The following CHCHD6 variants were observed in gnomAD, a reference collection of about 807,000 sequenced individuals.
CHCHD6 encodes MICOS complex subunit MIC25.
Under a neutral mutation model 32.3 loss-of-function variants are expected in CHCHD6, and 28 were observed. That is an observed-to-expected ratio of 0.87 (90% CI 0.64 to 1.19). CHCHD6 has a LOEUF of 1.19. Among genes scored for constraint, CHCHD6 ranks in the 50% most tolerant of loss-of-function variants. The pLI is 0.00. For missense variants in CHCHD6, 333 were observed against 307.0 expected, an observed-to-expected ratio of 1.08 and a Z score of -0.63; for synonymous variants, 122 against 117.5, an observed-to-expected ratio of 1.04 and a Z score of -0.25.
At chr3:126,823,214 G>T (rs574231596) in intron 4 of CHCHD6, among the ~76,000 whole-genome samples, 62 of 152,192 alleles carry the variant, frequency 4.1e-4, no homozygotes, top group Non-Finnish European at 8.2e-4. Context: ...ATCACACCTA[G>T]CCAATTTTGT....
At chr3:126,752,436 AAGAACAGGCGTGCTGGG>A (rs573502759) in intron 4 of CHCHD6, among the ~76,000 whole-genome samples, 6 of 152,130 alleles carry the variant, frequency 3.9e-5, no homozygotes, top group Non-Finnish European at 7.4e-5. Flanking sequence ...TGTTGGCTGG[AAGAACAGGCGTGCTGGG>A]AGAAGGCCTT....
At chr3:126,838,174 A>G (rs1175716267) in intron 4 of CHCHD6, among the ~76,000 whole-genome samples, 1 of 152,262 alleles carries the variant, frequency 6.6e-6, no homozygotes, top group Non-Finnish European at 1.5e-5. Flanking sequence ...GAGAGCCTAC[A>G]GTATTTCAGC....
chr3:126,830,300 G>T (rs1576466820), intron 4 of CHCHD6, among the ~76,000 whole-genome samples: 1 of 152,182 alleles, frequency 6.6e-6, no homozygotes, highest in Admixed American at 6.5e-5. Context: ...CACCTGGATT[G>T]TGAAGACTAA....
chr3:126,863,577 C>G (rs1288236174), intron 5 of CHCHD6, among the ~76,000 whole-genome samples: 1 of 137,616 alleles, frequency 7.3e-6, no homozygotes, highest in Non-Finnish European at 1.5e-5. Flanking sequence ...CCATCACCAC[C>G]TCCTCCTCTT....
intron 6 of CHCHD6, among the ~76,000 whole-genome samples, chr3:126,951,960 T>TTTTTG (rs754642930): frequency 1.3e-5 from 2 of 152,180 alleles, no homozygotes; most frequent in African/African-American, 2.4e-5. Flanking sequence ...TGTGGGTTTG[T>TTTTTG]TTTTGTTTTG....
At chr3:126,955,770 GT>G (rs1228556390) in intron 6 of CHCHD6, among the ~76,000 whole-genome samples, 1 of 152,248 alleles carries the variant, frequency 6.6e-6, no homozygotes, top group African/African-American at 2.4e-5. Context: ...GTCCTAGACA[GT>G]GAGTGGAGGA....
At chr3:126,928,527 G>T (rs2078356954) in intron 6 of CHCHD6, among the ~76,000 whole-genome samples, 2 of 152,034 alleles carry the variant, frequency 1.3e-5, no homozygotes, top group South Asian at 4.1e-4. Context: ...ATTCATGCCT[G>T]CCCCATGGTG....
rs539298553 is a variant in CHCHD6, at chr3:126,836,951, C to T, written c.412-15696C>T. On this transcript the variant is annotated intron_variant, in intron 4 of 7. Transcript: ENST00000290913. ...AATGGACATCGCTTTGGGCTTTCAC[C>T]GGTCCAAGCTCCCTTGTGGTTAATT... Among the ~76,000 whole-genome samples, 9 of 152,286 alleles carry T rather than the reference C, an allele frequency of 5.9e-5. No individual in the cohort carries two copies. In the South Asian group the frequency reaches 8.3e-4, roughly 14 times the overall value.
chr3:126,840,980 G>T (rs1330354526), intron 4 of CHCHD6, among the ~76,000 whole-genome samples: 2 of 151,868 alleles, frequency 1.3e-5, no homozygotes, highest in East Asian at 3.9e-4. Context: ...TGCCATGTTG[G>T]TGCGCTGCAC....
chr3:126,797,584 T>C (rs553757425), intron 4 of CHCHD6, among the ~76,000 whole-genome samples: 19 of 152,340 alleles, frequency 1.2e-4, no homozygotes, highest in Middle Eastern at 6.8e-3. Flanking sequence ...CCTTTTGTTT[T>C]TCAAATGTAT....
At chr3:126,896,593 ACTT>A (rs1316221633) in intron 5 of CHCHD6, among the ~76,000 whole-genome samples, 1 of 152,016 alleles carries the variant, frequency 6.6e-6, no homozygotes, top group East Asian at 1.9e-4. Context: ...CTGGCCACTC[ACTT>A]CTTGGTTTAT....
intron 5 of CHCHD6, among the ~76,000 whole-genome samples, chr3:126,885,430 C>T (rs545361511): frequency 6.6e-6 from 1 of 152,312 alleles, no homozygotes; most frequent in Admixed American, 6.5e-5. Context: ...TACTAAGATT[C>T]CTGGTAGCTG....
chr3:126,933,795 T>G (rs922270569), intron 6 of CHCHD6, among the ~76,000 whole-genome samples: 31 of 152,228 alleles, frequency 2.0e-4, no homozygotes, highest in African/African-American at 6.3e-4. Context: ...CTTCATGTTT[T>G]TTAAAACTTC....
At chr3:126,859,646 CAT>C (rs1941788429) in intron 5 of CHCHD6, among the ~76,000 whole-genome samples, 1 of 152,200 alleles carries the variant, frequency 6.6e-6, no homozygotes, top group African/African-American at 2.4e-5. Flanking sequence ...TTATATTACA[CAT>C]GTTCTACAAA....
At chr3:126,960,097 C>T in intron 7 of CHCHD6, 99 bp from the exon 8 acceptor site, 3 of 1,440,906 alleles carry the variant, frequency 2.1e-6, no homozygotes, top group South Asian at 1.2e-5. Flanking sequence ...CTCACAGCTG[C>T]TCCCTGGGAA....
chr3:126,940,803 T>C (rs1383442920), intron 6 of CHCHD6, among the ~76,000 whole-genome samples: 1 of 152,244 alleles, frequency 6.6e-6, no homozygotes, highest in Non-Finnish European at 1.5e-5. Flanking sequence ...TTTCTTCAAG[T>C]ATTAAGTGAG....
chr3:126,764,590 A>G (rs1221854795), intron 4 of CHCHD6, among the ~76,000 whole-genome samples: 1 of 152,212 alleles, frequency 6.6e-6, no homozygotes, highest in Non-Finnish European at 1.5e-5. Flanking sequence ...CCAGGTTTAC[A>G]TGAGGCTGCC....
chr3:126,905,700 A>G (rs1244864806), intron 5 of CHCHD6, among the ~76,000 whole-genome samples: 1 of 152,112 alleles, frequency 6.6e-6, no homozygotes, highest in Non-Finnish European at 1.5e-5. Flanking sequence ...GTCCACTCAT[A>G]AGATAATAAA....
At chr3:126,731,000 C>T (rs1468825705) in intron 3 of CHCHD6, among the ~76,000 whole-genome samples, 3 of 146,378 alleles carry the variant, frequency 2.0e-5, no homozygotes, top group Non-Finnish European at 3.0e-5. Flanking sequence ...CCCAGTTACT[C>T]GGGAGGCTGA....
Sources: gnomAD v4.1 joint callset for allele counts (sites outside exome capture counted in the v4.1 genomes callset) on GRCh38, gnomAD v4.1.1 for gene constraint, MANE v1.5 for transcripts, NCBI Gene and HGNC (gene_info 2026-07-23, HGNC 2026-07-21) for gene names.